Variants in EPHB1 observed in about 807,000 individuals in gnomAD.
EPHB1 encodes the protein ephrin type-B receptor 1.
A neutral mutation model predicts 94.4 loss-of-function variants in EPHB1; 30 were observed. That is an observed-to-expected ratio of 0.32 (90% confidence interval 0.24 to 0.43). EPHB1 has a LOEUF of 0.43. Ranked by LOEUF, EPHB1 falls within the 20% of genes least tolerant of loss-of-function variation. The pLI is 1.00. For missense variants in EPHB1, 1,055 were observed against 1,308.3 expected (o/e 0.81, Z 2.99); for synonymous variants, 522 against 489.1 (o/e 1.07, Z -0.89).
chr3:135,191,636 ATTTTT>A (rs35439364), intron 10 of EPHB1, among the ~76,000 whole-genome samples: 1 of 145,182 alleles, frequency 6.9e-6, no homozygotes, highest in Non-Finnish European at 1.5e-5. Flanking sequence ...GATTCAACAG[ATTTTT>A]TTTTTTTTTT....
rs140701151 is a variant in EPHB1, at chr3:135,084,828, A to G, written c.806-21620A>G. ...GTCAAAGTATCACTTATCATGATGG[A>G]TGTTTGATAGGCCCAGATAAGCAGA... On this transcript the variant is annotated intron_variant, in intron 3 of 15. Transcript: ENST00000398015. 4.1e-3 allele frequency among the ~76,000 whole-genome samples: 631 copies of G among 152,328 alleles called. 4 individuals are homozygous for G. The highest frequency in any genetic ancestry group is 0.014 in the African/African-American group (600 of 41,574).
chr3:134,912,724 A>G (rs1235372655), intron 1 of EPHB1, among the ~76,000 whole-genome samples: 4 of 152,200 alleles, frequency 2.6e-5, no homozygotes, highest in Non-Finnish European at 5.9e-5. Context: ...GCAGCCTCTG[A>G]GGCCTGCCTT....
chr3:134,926,967 A>T (rs912276952), intron 2 of EPHB1, among the ~76,000 whole-genome samples: 5 of 152,160 alleles, frequency 3.3e-5, no homozygotes, highest in Admixed American at 3.3e-4. Context: ...GGTGGAGATG[A>T]TGTTCATGTC....
chr3:135,038,306 T>C (rs989729606), intron 3 of EPHB1, among the ~76,000 whole-genome samples: 3 of 152,256 alleles, frequency 2.0e-5, no homozygotes, highest in Admixed American at 6.5e-5. Context: ...TTTTGACTAA[T>C]GGACTGTGGC....
intron 1 of EPHB1, among the ~76,000 whole-genome samples, chr3:134,856,662 G>GTTGTGCATTTTAC (rs1184717177): frequency 2.0e-5 from 3 of 152,276 alleles, no homozygotes; most frequent in African/African-American, 7.2e-5. Context: ...AGGTGCTGTC[G>GTTGTGCATTTTAC]ATGTAAAATG....
At chr3:135,156,648 G>A (rs189007699) in intron 6 of EPHB1, among the ~76,000 whole-genome samples, 2 of 152,268 alleles carry the variant, frequency 1.3e-5, no homozygotes, top group East Asian at 1.9e-4. Context: ...AGGATTAAGC[G>A]GCATTCTATT....
At chr3:134,949,958 T>TC (rs1237656943) in intron 2 of EPHB1, among the ~76,000 whole-genome samples, 3 of 152,148 alleles carry the variant, frequency 2.0e-5, no homozygotes, top group African/African-American at 7.2e-5. Flanking sequence ...CTGACTCCCC[T>TC]CCAACCCTCA....
chr3:134,807,280 C>T (rs1047369930), intron 1 of EPHB1, among the ~76,000 whole-genome samples: 3 of 152,276 alleles, frequency 2.0e-5, no homozygotes, highest in South Asian at 2.1e-4. Context: ...GCACTGTACT[C>T]GGAACTGAAA....
intron 2 of EPHB1, among the ~76,000 whole-genome samples, chr3:134,943,859 G>A (rs184563862): frequency 7.9e-5 from 12 of 152,316 alleles, no homozygotes; most frequent in Admixed American, 2.6e-4. Flanking sequence ...AACAAGCTAC[G>A]TGTGGATAAT....
intron 3 of EPHB1, among the ~76,000 whole-genome samples, chr3:135,078,036 A>G (rs1449286239): frequency 2.0e-5 from 3 of 152,222 alleles, no homozygotes; most frequent in Non-Finnish European, 4.4e-5. Flanking sequence ...TCCATTTTGC[A>G]GATGATGGAA....
intron 12 of EPHB1, among the ~76,000 whole-genome samples, chr3:135,230,166 A>C (rs1238457753): frequency 6.6e-6 from 1 of 152,184 alleles, no homozygotes; most frequent in Non-Finnish European, 1.5e-5. Context: ...GCCTGGAAAC[A>C]GAAGGGGAGA....
chr3:135,057,264 GAGA>G (rs1383460024), intron 3 of EPHB1, among the ~76,000 whole-genome samples: 1 of 152,132 alleles, frequency 6.6e-6, no homozygotes, highest in African/African-American at 2.4e-5. Flanking sequence ...ATAGGAGAAA[GAGA>G]AGAAGTCACA....
chr3:135,227,925 T>C (rs541715060), intron 12 of EPHB1, among the ~76,000 whole-genome samples: 26 of 152,210 alleles, frequency 1.7e-4, no homozygotes, highest in Non-Finnish European at 3.4e-4. Context: ...TCTTGGAAGA[T>C]ACGTTACATA....
intron 3 of EPHB1, among the ~76,000 whole-genome samples, chr3:134,987,020 G>A (rs1934624424): frequency 6.6e-6 from 1 of 152,070 alleles, no homozygotes; most frequent in African/African-American, 2.4e-5. Context: ...AGAATGAAGG[G>A]CATCCCTTTC....
intron 1 of EPHB1, among the ~76,000 whole-genome samples, chr3:134,861,157 A>C (rs897373430): frequency 1.3e-5 from 2 of 152,296 alleles, no homozygotes; most frequent in South Asian, 2.1e-4. Flanking sequence ...GTGGTGAGGA[A>C]TGTAGCAGGG....
At chr3:135,186,319 A>G (rs891101720) in intron 10 of EPHB1, among the ~76,000 whole-genome samples, 6 of 152,184 alleles carry the variant, frequency 3.9e-5, no homozygotes, top group Non-Finnish European at 7.4e-5. Flanking sequence ...GAAAGGGTGA[A>G]GATGGTTGTG....
intron 1 of EPHB1, among the ~76,000 whole-genome samples, chr3:134,849,227 T>C (rs1457795268): frequency 2.0e-5 from 3 of 152,206 alleles, no homozygotes; most frequent in Non-Finnish European, 1.5e-5. Flanking sequence ...CTCTCCACCT[T>C]GAGTTTCCGA....
At chr3:134,828,044 C>G (rs2036517003) in intron 1 of EPHB1, among the ~76,000 whole-genome samples, 1 of 152,130 alleles carries the variant, frequency 6.6e-6, no homozygotes, top group Admixed American at 6.5e-5. Context: ...TTCAAACTTT[C>G]CTGAACTGAG....
chr3:134,994,986 T>TTA (rs1553719351), intron 3 of EPHB1, among the ~76,000 whole-genome samples: 2 of 148,380 alleles, frequency 1.3e-5, no homozygotes, highest in Non-Finnish European at 3.0e-5. Flanking sequence ...TTACATACAC[T>TTA]TGTGTGTGTG....
Sources: gnomAD v4.1 joint callset for allele counts (sites outside exome capture counted in the v4.1 genomes callset) on GRCh38, gnomAD v4.1.1 for gene constraint, MANE v1.5 for transcripts, NCBI Gene and HGNC (gene_info 2026-07-23, HGNC 2026-07-21) for gene names.